The following SEC14L1 variants were observed in gnomAD, a reference collection of about 807,000 sequenced individuals.
The protein encoded by SEC14L1 is SEC14 like lipid binding 1.
SEC14L1 carries 48 observed loss-of-function variants against 85.3 expected under a neutral mutation model. The ratio of observed to expected loss-of-function variants is 0.56; its 90% confidence interval spans 0.45 to 0.72. The LOEUF (loss-of-function observed/expected upper bound fraction) is 0.72. SEC14L1 is among the 30% of genes least tolerant of loss of function. The pLI is 0.00. For synonymous variants in SEC14L1, 391 were observed against 355.5 expected, an observed-to-expected ratio of 1.10 and a Z score of -1.12; for missense variants, 682 against 921.4, an observed-to-expected ratio of 0.74 and a Z score of 3.36.
upstream of SEC14L1, among the ~76,000 whole-genome samples, chr17:77,136,232 TTTCC>T (rs1331123591): frequency 6.6e-6 from 1 of 151,634 alleles, no homozygotes; most frequent in African/African-American, 2.4e-5. Context: ...TTCTTTTCTC[TTTCC>T]TTCCTTCCTC....
chr17:77,184,699 G>A (rs1226336683), intron 3 of SEC14L1, among the ~76,000 whole-genome samples: 1 of 152,188 alleles, frequency 6.6e-6, no homozygotes, highest in African/African-American at 2.4e-5. Flanking sequence ...CTTTGTAATA[G>A]GGACTGGTAT....
intron 3 of SEC14L1, among the ~76,000 whole-genome samples, chr17:77,171,122 T>C (rs2143686158): frequency 6.6e-6 from 1 of 152,304 alleles, no homozygotes; most frequent in South Asian, 2.1e-4. Context: ...ATTAGTTTTT[T>C]TTGCATATTA....
rs1972576429 is a variant in SEC14L1, at chr17:77,130,402, C to T, written c.-135-12244C>T. Among the ~76,000 whole-genome samples the T allele has an allele frequency of 2.0e-5, 3 of 152,096 alleles. No homozygotes were observed. The South Asian group carries it at 6.2e-4, about 32-fold the overall frequency. On this transcript the variant is annotated intron_variant, in intron 3 of 19. Coordinates refer to the SEC14L1 transcript ENST00000392476. ...CGCTGTCTCGGCTCACTGCAACCTC[C>T]ACCTCCTGAGTTCAAGTGATTCTCA... is the stretch of plus-strand genomic sequence containing the variant.
intron 3 of SEC14L1, among the ~76,000 whole-genome samples, chr17:77,164,216 G>A (rs1974191801): frequency 6.6e-6 from 1 of 152,228 alleles, no homozygotes; most frequent in African/African-American, 2.4e-5. Context: ...AGCAGGCAGA[G>A]CGCCTGTGCC....
intron 3 of SEC14L1, among the ~76,000 whole-genome samples, chr17:77,112,783 A>G (rs1972077325): frequency 6.6e-6 from 1 of 152,040 alleles, no homozygotes; most frequent in Non-Finnish European, 1.5e-5. Flanking sequence ...CTGAGGCAGG[A>G]GAATGGTGTG....
At chr17:77,096,551 T>C (rs1823576925) in intron 3 of SEC14L1, among the ~76,000 whole-genome samples, 1 of 128,910 alleles carries the variant, frequency 7.8e-6, no homozygotes, top group Admixed American at 7.4e-5. Flanking sequence ...TGAGACTCCA[T>C]CTCAAAAAAA....
intron 3 of SEC14L1, among the ~76,000 whole-genome samples, chr17:77,097,850 C>A (rs1971682566): frequency 6.6e-6 from 1 of 152,140 alleles, no homozygotes; most frequent in Non-Finnish European, 1.5e-5. Flanking sequence ...TTAGAATATG[C>A]AGAATAACAG....
In SEC14L1 at chr17:77,190,937, C is replaced by G; in HGVS notation, c.198C>G (p.Pro66=). The change falls in exon 4 of 17, where the codon CCC becomes CCG. Residue 66 remains proline, a synonymous_variant. Coordinates refer to ENST00000436233, the MANE Select transcript of SEC14L1 (RefSeq NM_001143998.2). The part of the protein sequence containing the change: ...ERRCKLDVDA[P]RLLKKIAGVD... ...GCTGCAAGCTGGATGTAGATGCACC[C>G]AGACTGCTGAAGAAGGTAAAGGTCG... 2 of 1,614,108 alleles carry G rather than the reference C, an allele frequency of 1.2e-6. No individual in the cohort carries two copies. The highest frequency in any genetic ancestry group is 1.7e-6 in the Non-Finnish European group (2 of 1,180,032).
intron 3 of SEC14L1, among the ~76,000 whole-genome samples, chr17:77,171,845 A>G (rs897457186): frequency 6.6e-6 from 1 of 151,990 alleles, no homozygotes; most frequent in African/African-American, 2.4e-5. Context: ...ACTTGCCTCG[A>G]TTTCCTTCTT....
At chr17:77,151,479 A>G (rs1471818353) in intron 3 of SEC14L1, among the ~76,000 whole-genome samples, 1 of 152,092 alleles carries the variant, frequency 6.6e-6, no homozygotes, top group South Asian at 2.1e-4. Flanking sequence ...CCTGAGCTGT[A>G]TCCAAGTGTC....
chr17:77,204,692 A>G (rs964832377), intron 10 of SEC14L1, among the ~76,000 whole-genome samples: 23 of 152,020 alleles, frequency 1.5e-4, no homozygotes, highest in Non-Finnish European at 2.4e-4. Flanking sequence ...AGCTGGGACT[A>G]CAAGCACCAC....
chr17:77,113,881 C>G (rs1184714469), intron 3 of SEC14L1, among the ~76,000 whole-genome samples: 1 of 152,162 alleles, frequency 6.6e-6, no homozygotes, highest in Non-Finnish European at 1.5e-5. Context: ...AGTGGACACC[C>G]TTAAAGCTTC....
chr17:77,207,325 G>T (rs534409203), intron 13 of SEC14L1, among the ~76,000 whole-genome samples: 92 of 151,204 alleles, frequency 6.1e-4, no homozygotes, highest in African/African-American at 2.1e-3. Flanking sequence ...TGACTTGGTG[G>T]GCTCAGGTGA....
chr17:77,135,162 C>G (rs1021938581), intron 3 of SEC14L1, among the ~76,000 whole-genome samples: 1 of 152,174 alleles, frequency 6.6e-6, no homozygotes, highest in Non-Finnish European at 1.5e-5. Context: ...TGTTGGGGAG[C>G]AGGGCATCAC....
intron 3 of SEC14L1, among the ~76,000 whole-genome samples, chr17:77,163,083 T>TACTTCCTGG (rs1205688870): frequency 6.6e-6 from 1 of 152,194 alleles, no homozygotes; most frequent in Non-Finnish European, 1.5e-5. Flanking sequence ...GGACTCTTGT[T>TACTTCCTGG]ACTTCCTGGA....
At chr17:77,141,312 G>C in intron 1 of SEC14L1, 1 of 66,972 alleles carries the variant, frequency 1.5e-5, no homozygotes, top group Admixed American at 1.7e-4. Flanking sequence ...CCCCCTGCTC[G>C]CCCCTCGCCG....
intron 3 of SEC14L1, among the ~76,000 whole-genome samples, chr17:77,119,456 C>T (rs991343217): frequency 7.2e-5 from 11 of 151,970 alleles, no homozygotes; most frequent in East Asian, 1.9e-4. Context: ...TCCTCATTGG[C>T]GTTAAATTAA....
chr17:77,149,856 GTTT>G lies in SEC14L1; in HGVS notation c.63+6213_63+6215del, dbSNP rs201022692. Among the ~76,000 whole-genome samples the G allele has an allele frequency of 8.3e-3, 1,033 of 123,912 alleles. 8 individuals carry two copies. Among genetic ancestry groups the G allele is most frequent in the African/African-American group, 0.028 (975 of 34,486 alleles). 81.3% of individuals were successfully genotyped at this position (123,912 alleles called of 152,430 possible). A position where few individuals can be genotyped will look rare whatever the true frequency, so the allele number is the denominator to read the frequency against. ...TTTGTGATAAAGTTGGCTGATTTGT[GTTT>G]TTTTTTTTTTTTTTTAATTTTCGTA... On this transcript the variant is annotated intron_variant, in intron 3 of 16. Coordinates refer to ENST00000436233, the MANE Select transcript of SEC14L1 (RefSeq NM_001143998.2).
intron 3 of SEC14L1, among the ~76,000 whole-genome samples, chr17:77,097,584 A>G (rs1194549511): frequency 3.1e-5 from 4 of 129,724 alleles, no homozygotes; most frequent in Non-Finnish European, 6.4e-5. Flanking sequence ...TTTAAAAAAA[A>G]GAGTGCTGAT....
Sources: gnomAD v4.1 joint callset for allele counts (sites outside exome capture counted in the v4.1 genomes callset) on GRCh38, gnomAD v4.1.1 for gene constraint, MANE v1.5 for transcripts, NCBI Gene and HGNC (gene_info 2026-07-23, HGNC 2026-07-21) for gene names.